The following KCNG2 variants were observed in gnomAD, a reference collection of about 807,000 sequenced individuals.
KCNG2 encodes the protein voltage-gated potassium channel regulatory subunit KCNG2.
KCNG2 carries 7 observed loss-of-function variants against 12.3 expected under a neutral mutation model. That is an observed-to-expected ratio of 0.57 (90% CI 0.32 to 1.07). The LOEUF is 1.07. KCNG2 is among the 50% of genes least tolerant of loss of function. The pLI, the probability that KCNG2 is intolerant of heterozygous loss-of-function variation, is 0.04. For synonymous variants in KCNG2, 414 were observed against 351.4 expected (o/e 1.18, Z -1.99); for missense variants, 703 against 726.0 (o/e 0.97, Z 0.36).
intron 3 of KCNG2, among the ~76,000 whole-genome samples, chr18:79,877,583 C>A (rs761094160): frequency 2.0e-5 from 3 of 152,110 alleles, no homozygotes; most frequent in African/African-American, 4.8e-5. Context: ...TCCGCCCCCC[C>A]CGAGAGTCAC....
rs780982352 is a variant in KCNG2, at chr18:79,899,803, G to C, written c.1388G>C (p.Arg463Pro). Residue 463 changes from arginine (R) to proline (P), a missense_variant, in exon 4 of 4, where the codon CGG becomes CCG. Transcript: ENST00000316249. ...GACTCCGCGGATGCGCTGTGGGTGCGGGCAGGGCGCTGACGCCTGCGCCGC... is the reference window on the plus strand; with the variant it reads ...GACTCCGCGGATGCGCTGTGGGTGCCGGCAGGGCGCTGACGCCTGCGCCGC... ...ADDSADALWVRAGR is the reference protein window; with the variant it reads ...ADDSADALWVPAGR 2.8e-6 allele frequency: 4 copies of C among 1,413,370 alleles called. No homozygotes were observed. The highest frequency in any genetic ancestry group is 5.6e-5 in the East Asian group (2 of 35,462). The allele number at this position is 1,413,370 out of a possible 1,614,324, so 87.6% of individuals were successfully genotyped here.
chr18:79,835,522 C>T (rs1978319006), intron 1 of KCNG2, among the ~76,000 whole-genome samples: 2 of 151,992 alleles, frequency 1.3e-5, no homozygotes, highest in Non-Finnish European at 2.9e-5. Context: ...TGTAAAAATA[C>T]AATAAATGGA....
At chr18:79,849,278 C>A (rs897663209) in intron 1 of KCNG2, among the ~76,000 whole-genome samples, 6 of 152,226 alleles carry the variant, frequency 3.9e-5, no homozygotes, top group African/African-American at 1.2e-4. Context: ...TTCTAATGTT[C>A]TCACTGAGCT....
intron 1 of KCNG2, among the ~76,000 whole-genome samples, chr18:79,802,627 C>T (rs2087419492): frequency 6.6e-6 from 1 of 152,226 alleles, no homozygotes; most frequent in South Asian, 2.1e-4. Context: ...GGCACTGACC[C>T]CTGTGTGCAC....
At chr18:79,872,279 A>ATTT (rs1568265416) in intron 3 of KCNG2, among the ~76,000 whole-genome samples, 5 of 48,118 alleles carry the variant, frequency 1.0e-4, no homozygotes, top group East Asian at 7.8e-4. Context: ...TCAAAGCTTC[A>ATTT]GTTTTTTTTT....
chr18:79,817,237 C>G (rs1316142701), intron 1 of KCNG2, among the ~76,000 whole-genome samples: 1 of 149,936 alleles, frequency 6.7e-6, no homozygotes, highest in Non-Finnish European at 1.5e-5. Context: ...CTGTCACACA[C>G]CTGCCACATG....
intron 3 of KCNG2, among the ~76,000 whole-genome samples, chr18:79,871,231 A>G (rs1979817341): frequency 6.6e-6 from 1 of 152,184 alleles, no homozygotes; most frequent in South Asian, 2.1e-4. Context: ...GAGCTGACAA[A>G]TCGCACCTCC....
chr18:79,802,468 C>G lies in KCNG2; in HGVS notation c.-115+4454C>G, dbSNP rs571343101. On this transcript the variant is annotated intron_variant, in intron 1 of 3. Coordinates refer to ENST00000316249, the MANE Select transcript of KCNG2 (RefSeq NM_012283.2). ...CGCTCCGGTCCGGAGAGCCTGGCCT[C>G]GACATCTGTCCCAGCCCGGCCGCTG... is the stretch of plus-strand genomic sequence containing the variant. Among the ~76,000 whole-genome samples, 4 of 152,108 alleles carry G rather than the reference C, an allele frequency of 2.6e-5. No homozygotes were observed. The East Asian group carries it at 7.7e-4, about 29-fold the overall frequency.
intron 3 of KCNG2, among the ~76,000 whole-genome samples, chr18:79,898,705 A>C (rs1327562029): frequency 6.6e-6 from 1 of 152,224 alleles, no homozygotes; most frequent in Non-Finnish European, 1.5e-5. Context: ...CAGAATTTTC[A>C]CATATAAATA....
intron 1 of KCNG2, among the ~76,000 whole-genome samples, chr18:79,854,341 C>T (rs1034196040): frequency 6.6e-6 from 1 of 152,198 alleles, no homozygotes. Context: ...AACACAAGAG[C>T]TTTCCCATTC....
chr18:79,899,518 C>G lies in KCNG2; in HGVS notation c.1103C>G (p.Thr368Ser). ...TATTGGTGGGCCGTCATCTCCATGA[C>G]CACCGTGGGCTACGGCGACATGGTC... ...ASYWWAVISM[T>S]TVGYGDMVPR... The change falls in exon 4 of 4, where the codon ACC becomes AGC. Residue 368 changes from threonine to serine, a missense_variant. Physicochemically the swap from Thr to Ser is moderately conservative, Grantham distance 58. Coordinates refer to ENST00000316249, the MANE Select transcript of KCNG2 (RefSeq NM_012283.2). 6.2e-7 allele frequency: 1 copy of G among 1,607,110 alleles called. No individual in the cohort carries two copies. The highest frequency in any genetic ancestry group is 8.5e-7 in the Non-Finnish European group (1 of 1,177,576).
chr18:79,878,788 A>G lies in KCNG2; in HGVS notation c.624+14497A>G, dbSNP rs181045329. 1.4e-4 allele frequency among the ~76,000 whole-genome samples: 21 copies of G among 152,370 alleles called. No individual in the cohort carries two copies. The East Asian group carries it at 2.3e-3, about 17-fold the overall frequency. ...ATCCACATGGACGGTGCAGGCAGGA[A>G]TGGATACAGTGACCGATGGGCGCTT... is the stretch of plus-strand genomic sequence containing the variant. On this transcript the variant is annotated intron_variant, in intron 3 of 3. Coordinates refer to ENST00000316249, the MANE Select transcript of KCNG2 (RefSeq NM_012283.2).
chr18:79,867,340 A>G (rs912949448), intron 3 of KCNG2, among the ~76,000 whole-genome samples: 17 of 151,800 alleles, frequency 1.1e-4, no homozygotes, highest in African/African-American at 4.1e-4. Context: ...CTATGTTACC[A>G]TGAGGAGGCA....
At chr18:79,801,651 G>C (rs1443514636) in intron 1 of KCNG2, among the ~76,000 whole-genome samples, 1 of 152,226 alleles carries the variant, frequency 6.6e-6, no homozygotes, top group African/African-American at 2.4e-5. Flanking sequence ...TAGAATTATG[G>C]GGCCCAGTGT....
At chr18:79,843,835 A>C (rs1212453767) in intron 1 of KCNG2, among the ~76,000 whole-genome samples, 4 of 152,242 alleles carry the variant, frequency 2.6e-5, no homozygotes, top group Non-Finnish European at 5.9e-5. Flanking sequence ...ACTACAAAAC[A>C]GTTGAGAACA....
chr18:79,809,286 CACT>C (rs1244018552), intron 1 of KCNG2, among the ~76,000 whole-genome samples: 8 of 72,052 alleles, frequency 1.1e-4, no homozygotes, highest in Non-Finnish European at 1.6e-4. Context: ...GCCGGGGACA[CACT>C]GACCACACTC....
At chr18:79,844,966 T>C (rs964912123) in intron 1 of KCNG2, among the ~76,000 whole-genome samples, 2 of 152,222 alleles carry the variant, frequency 1.3e-5, no homozygotes, top group African/African-American at 4.8e-5. Context: ...AAGCAAACTG[T>C]GTGGAAATGC....
At chr18:79,799,720 T>A (rs2087392625) in intron 1 of KCNG2, among the ~76,000 whole-genome samples, 1 of 152,234 alleles carries the variant, frequency 6.6e-6, no homozygotes, top group Admixed American at 6.5e-5. Context: ...GGAAGTGAGT[T>A]CTCAGCTGCC....
At chr18:79,849,726 T>C (rs11662165) in intron 1 of KCNG2, among the ~76,000 whole-genome samples, 137,864 of 152,294 alleles carry the variant, frequency 0.91, 64,054 homozygotes, top group East Asian at 1. Context: ...GCCTTGTTCT[T>C]GCGTGGCTGG....
Sources: gnomAD v4.1 joint callset for allele counts (sites outside exome capture counted in the v4.1 genomes callset) on GRCh38, gnomAD v4.1.1 for gene constraint, MANE v1.5 for transcripts, NCBI Gene and HGNC (gene_info 2026-07-23, HGNC 2026-07-21) for gene names.